SUGCT: variants seen among roughly 807,000 people sequenced by gnomAD.
SUGCT encodes the protein succinyl-CoA:glutarate CoA-transferase.
Under a neutral mutation model 55.0 loss-of-function variants are expected in SUGCT, and 41 were observed. The ratio of observed to expected loss-of-function variants is 0.74; its 90% confidence interval spans 0.58 to 0.97. The LOEUF (loss-of-function observed/expected upper bound fraction) is 0.97. Among genes scored for constraint, SUGCT ranks in the 50% least tolerant of loss-of-function variants. The probability of loss-of-function intolerance (pLI) is 0.00; values close to 1 mark genes in which losing one functional copy is unlikely to be tolerated. For missense variants in SUGCT, 568 were observed against 547.8 expected (o/e 1.04, Z -0.37); for synonymous variants, 187 against 200.4 (o/e 0.93, Z 0.56).
chr7:40,268,969 A>G (rs1326282007), intron 7 of SUGCT, among the ~76,000 whole-genome samples: 4 of 152,140 alleles, frequency 2.6e-5, no homozygotes, highest in Non-Finnish European at 5.9e-5. Context: ...TATACCCCTT[A>G]GTGAAATTGC....
chr7:40,952,354 C>T, the SUGCT span, among the ~76,000 whole-genome samples: 2 of 152,026 alleles, frequency 1.3e-5, no homozygotes, highest in Non-Finnish European at 2.9e-5. Flanking sequence ...TGTTTCTGCA[C>T]ATGAGATGGG....
intron 11 of SUGCT, among the ~76,000 whole-genome samples, chr7:40,486,696 A>T (rs1791371359): frequency 7.2e-6 from 1 of 139,328 alleles, no homozygotes; most frequent in Admixed American, 7.0e-5. Flanking sequence ...AAGAAATTTT[A>T]TAATTTTTCT....
At chr7:40,138,310 T>C in intron 1 of SUGCT, among the ~76,000 whole-genome samples, 1 of 152,242 alleles carries the variant, frequency 6.6e-6, no homozygotes, top group East Asian at 1.9e-4. Context: ...TCCATGTTGC[T>C]GCAAAAGACA....
At chr7:40,183,436 C>T (rs1046648498) in intron 3 of SUGCT, among the ~76,000 whole-genome samples, 11 of 152,192 alleles carry the variant, frequency 7.2e-5, no homozygotes, top group African/African-American at 2.7e-4. Context: ...AACTACTAGG[C>T]TCGAGCAGTT....
intron 13 of SUGCT, among the ~76,000 whole-genome samples, chr7:40,766,999 A>T (rs953392717): frequency 6.6e-6 from 1 of 152,192 alleles, no homozygotes; most frequent in Non-Finnish European, 1.5e-5. Flanking sequence ...GATGATGATG[A>T]TTACATAACA....
intron 12 of SUGCT, among the ~76,000 whole-genome samples, chr7:40,562,311 A>T (rs1024891518): frequency 3.3e-5 from 5 of 151,866 alleles, no homozygotes; most frequent in Non-Finnish European, 5.9e-5. Flanking sequence ...AAAAAAAAAA[A>T]AAAGGTGAAT....
intron 12 of SUGCT, among the ~76,000 whole-genome samples, chr7:40,617,258 T>A (rs1799048380): frequency 6.6e-6 from 1 of 152,216 alleles, no homozygotes; most frequent in South Asian, 2.1e-4. Flanking sequence ...TTTTAGATGA[T>A]CAAGGTTAGA....
chr7:40,932,179 T>G, the SUGCT span, among the ~76,000 whole-genome samples: 1,043 of 152,282 alleles, frequency 6.8e-3, 6 homozygotes, highest in Admixed American at 0.015. Flanking sequence ...ATTTCGTTAT[T>G]TACCCAGTAG....
At chr7:40,507,438 G>A (rs971004553) in intron 12 of SUGCT, among the ~76,000 whole-genome samples, 2 of 152,038 alleles carry the variant, frequency 1.3e-5, no homozygotes, top group South Asian at 4.1e-4. Context: ...ATCCTTTACC[G>A]TTGGATGTGT....
At chr7:40,340,443 A>G (rs1385512268) in intron 9 of SUGCT, among the ~76,000 whole-genome samples, 2 of 152,224 alleles carry the variant, frequency 1.3e-5, no homozygotes, top group African/African-American at 4.8e-5. Flanking sequence ...CAACGTGTGC[A>G]TTAAGTTAAA....
intron 8 of SUGCT, among the ~76,000 whole-genome samples, chr7:40,313,184 T>A (rs1282982303): frequency 6.6e-6 from 1 of 152,196 alleles, no homozygotes. Context: ...AAAGTTGACT[T>A]TTTTGTTTAG....
chr7:40,358,494 C>T (rs867062302), intron 9 of SUGCT, among the ~76,000 whole-genome samples: 17 of 152,122 alleles, frequency 1.1e-4, no homozygotes, highest in African/African-American at 3.6e-4. Context: ...GAGTGGATCA[C>T]CTGAGGTCAG....
At chr7:40,997,729 G>A in the SUGCT span, among the ~76,000 whole-genome samples, 1 of 152,164 alleles carries the variant, frequency 6.6e-6, no homozygotes, top group African/African-American at 2.4e-5. Flanking sequence ...TCCTTCCTAA[G>A]CTCTCAGATC....
At chr7:40,491,251 G>A (rs531771713) in intron 11 of SUGCT, among the ~76,000 whole-genome samples, 7 of 152,294 alleles carry the variant, frequency 4.6e-5, no homozygotes, top group African/African-American at 1.7e-4. Flanking sequence ...AGGAATATTG[G>A]AGGCAATATG....
At chr7:40,651,555 G>A (rs1263565220) in intron 12 of SUGCT, among the ~76,000 whole-genome samples, 4 of 152,030 alleles carry the variant, frequency 2.6e-5, no homozygotes, top group Non-Finnish European at 5.9e-5. Context: ...GCCTAGGCAT[G>A]CATTTTTTTC....
chr7:40,746,657 C>T (rs1024954305), intron 12 of SUGCT, among the ~76,000 whole-genome samples: 2 of 152,184 alleles, frequency 1.3e-5, no homozygotes, highest in Non-Finnish European at 1.5e-5. Flanking sequence ...GGAGAAAGTA[C>T]GCTCTTTAAA....
At chr7:40,666,419 GT>G (rs70990637) in intron 12 of SUGCT, among the ~76,000 whole-genome samples, 879 of 72,222 alleles carry the variant, frequency 0.012, 10 homozygotes, top group African/African-American at 0.048. Flanking sequence ...TTATAGGTTA[GT>G]TTTTTTTTTT....
At chr7:40,416,160 A>G (rs970555543) in intron 9 of SUGCT, among the ~76,000 whole-genome samples, 1 of 151,956 alleles carries the variant, frequency 6.6e-6, no homozygotes, top group South Asian at 2.1e-4. Flanking sequence ...TTACAACAAA[A>G]TAGAGGGTTT....
At chr7:40,242,032 A>G (rs1789434443) in intron 7 of SUGCT, among the ~76,000 whole-genome samples, 1 of 152,044 alleles carries the variant, frequency 6.6e-6, no homozygotes, top group Non-Finnish European at 1.5e-5. Context: ...TTGTCAGATT[A>G]GATTATATTT....
Sources: allele counts gnomAD v4.1 joint callset (sites outside exome capture counted in the v4.1 genomes callset), GRCh38; gene constraint gnomAD v4.1.1; transcripts MANE v1.5; gene names NCBI Gene and HGNC (gene_info 2026-07-23, HGNC 2026-07-21).